The following CADPS variants were observed in gnomAD, a reference collection of about 807,000 sequenced individuals.
The protein encoded by CADPS is calcium-dependent secretion activator 1.
In CADPS, 57 loss-of-function variants were observed where a neutral mutation model predicts 167.3. That is an observed-to-expected ratio of 0.34 (90% CI 0.28 to 0.42). CADPS has a LOEUF of 0.42. Ranked by LOEUF, CADPS falls within the 20% of genes least tolerant of loss-of-function variation. The pLI is 1.00. For synonymous variants in CADPS, 676 were observed against 635.3 expected, an observed-to-expected ratio of 1.06 and a Z score of -0.96; for missense variants, 1,414 against 1,738.1, an observed-to-expected ratio of 0.81 and a Z score of 3.32.
At chr3:62,758,548 T>C (rs938533383) in intron 2 of CADPS, among the ~76,000 whole-genome samples, 1 of 152,246 alleles carries the variant, frequency 6.6e-6, no homozygotes, top group Non-Finnish European at 1.5e-5. Context: ...CTGATGTGCC[T>C]GTGTGTCTCT....
At chr3:62,732,617 TATTCACTG>T (rs1304165381) in intron 3 of CADPS, among the ~76,000 whole-genome samples, 3 of 152,364 alleles carry the variant, frequency 2.0e-5, no homozygotes, top group Admixed American at 6.5e-5. Flanking sequence ...TTCATGCACT[TATTCACTG>T]ATTCACTTAT....
intron 27 of CADPS, chr3:62,439,809 T>C (rs185588443): frequency 6.6e-6 from 1 of 152,296 alleles, no homozygotes; most frequent in East Asian, 1.9e-4. Flanking sequence ...GATCTATCAG[T>C]AACCCAAAAT....
chr3:62,481,695 T>C, intron 22 of CADPS, 28 bp downstream of exon 22: 1 of 1,534,334 alleles, frequency 6.5e-7, no homozygotes, highest in Non-Finnish European at 8.7e-7. Context: ...TAAATTTAAA[T>C]GAGATCTAAT....
chr3:62,874,738 T>A lies in CADPS; in HGVS notation c.292A>T (p.Ser98Cys), dbSNP rs1423695828. The change falls in exon 1 of 30, where the codon AGC (serine) becomes TGC (cysteine). Residue 98 changes from serine (S) to cysteine (C), a missense_variant. Ser to Cys is a moderately radical substitution (Grantham distance 112). Transcript: ENST00000383710. The surrounding 1 kb of genome is among the most constrained non-coding windows in gnomAD (Gnocchi z 7.1). Reference sequence around the variant, plus strand: ...TCCAACTCTTCCTTCTCCTTCTCGCTCACCACCGACGGGCTGGGGCTGGAG... The same window carrying A: ...TCCAACTCTTCCTTCTCCTTCTCGCACACCACCGACGGGCTGGGGCTGGAG... ...RPSSPSPSVV[S>C]EKEKEELERL... 23 of 1,518,784 alleles carry A rather than the reference T, an allele frequency of 1.5e-5. No individual in the cohort carries two copies. The highest frequency in any genetic ancestry group is 2.1e-5 in the Non-Finnish European group (23 of 1,118,614). The allele number at this position is 1,518,784 out of a possible 1,614,324, so 94.1% of individuals were successfully genotyped here.
intron 6 of CADPS, among the ~76,000 whole-genome samples, chr3:62,632,120 A>G (rs2065394094): frequency 1.3e-5 from 2 of 152,208 alleles, no homozygotes; most frequent in South Asian, 4.1e-4. Context: ...AAAAGGAACA[A>G]TCATATATGA....
Position 62,592,634 on chromosome 3 carries a change from T to C in CADPS, c.1437+3A>G, listed in dbSNP as rs1313395871. ...AGTTCCCCTTGTGATAAGAAGTGCTTACCCGCCCAAGCTCCTTGTCCTCCA... is the reference window on the plus strand; with the variant it reads ...AGTTCCCCTTGTGATAAGAAGTGCTCACCCGCCCAAGCTCCTTGTCCTCCA... On this transcript the variant is annotated splice_donor_region_variant and intron_variant, in intron 7 of 29. Transcript: ENST00000383710. The C allele has an allele frequency of 2.5e-6, 4 of 1,611,374 alleles. No individual in the cohort carries two copies. The highest frequency in any genetic ancestry group is 3.3e-5 in the Admixed American group (2 of 59,982).
intron 1 of CADPS, among the ~76,000 whole-genome samples, chr3:62,786,286 G>T (rs185090095): frequency 6.6e-6 from 1 of 152,214 alleles, no homozygotes; most frequent in Admixed American, 6.5e-5. Context: ...TATGCAGAAA[G>T]CAATTTAAAA....
intron 6 of CADPS, among the ~76,000 whole-genome samples, chr3:62,603,197 A>G (rs1346626336): frequency 6.6e-6 from 1 of 152,232 alleles, no homozygotes; most frequent in Non-Finnish European, 1.5e-5. Flanking sequence ...AGCACACTCA[A>G]TAGGCATTTG....
chr3:62,575,741 C>T (rs192173440), intron 8 of CADPS, among the ~76,000 whole-genome samples: 1,715 of 152,218 alleles, frequency 0.011, 14 homozygotes, highest in Non-Finnish European at 0.015. Flanking sequence ...ACTTTGGTTT[C>T]TTTTTTTGAA....
intron 1 of CADPS, among the ~76,000 whole-genome samples, chr3:62,766,539 A>C (rs2086918657): frequency 6.6e-6 from 1 of 152,234 alleles, no homozygotes; most frequent in Non-Finnish European, 1.5e-5. Context: ...TGATGAATGC[A>C]GTATGACCAT....
intron 29 of CADPS, 107 bp downstream of exon 29, chr3:62,402,974 T>C (rs1706968114): frequency 1.6e-6 from 1 of 635,032 alleles, no homozygotes; most frequent in African/African-American, 1.8e-5. Context: ...GAGATACTAT[T>C]TTATATGTAA....
intron 9 of CADPS, among the ~76,000 whole-genome samples, chr3:62,570,030 C>T (rs1220220872): frequency 6.6e-6 from 1 of 152,138 alleles, no homozygotes; most frequent in Non-Finnish European, 1.5e-5. Context: ...TCAATATCCG[C>T]ATCTACATTT....
intron 1 of CADPS, among the ~76,000 whole-genome samples, chr3:62,847,310 G>T: frequency 7.1e-6 from 1 of 140,726 alleles, no homozygotes. Flanking sequence ...TAAGTTTTAG[G>T]GTACATGTGC....
At chr3:62,826,847 A>T (rs73102776) in intron 1 of CADPS, among the ~76,000 whole-genome samples, 13,051 of 152,188 alleles carry the variant, frequency 0.086, 756 homozygotes, top group Admixed American at 0.13. Flanking sequence ...CAGCATCTCT[A>T]ACCTATTCCT....
chr3:62,710,654 A>AT (rs56313875), intron 3 of CADPS, among the ~76,000 whole-genome samples: 8,768 of 151,992 alleles, frequency 0.058, 297 homozygotes, highest in South Asian at 0.093. Flanking sequence ...TCCCCAGGTG[A>AT]TTCTGATGCA....
At chr3:62,825,624 A>G (rs1218384752) in intron 1 of CADPS, among the ~76,000 whole-genome samples, 1 of 152,202 alleles carries the variant, frequency 6.6e-6, no homozygotes, top group African/African-American at 2.4e-5. Context: ...GCCATTTGTC[A>G]CATAGATGGT....
At chr3:62,666,797 G>A (rs375630573) in intron 3 of CADPS, among the ~76,000 whole-genome samples, 2 of 152,056 alleles carry the variant, frequency 1.3e-5, no homozygotes, top group African/African-American at 2.4e-5. Flanking sequence ...TACTCTTTCC[G>A]TCAATGCAGA....
At position 62,665,236 on chromosome 3, in the gene CADPS, A is replaced by G. The variant is rs570464199; in HGVS notation, c.889-2842T>C. Among the ~76,000 whole-genome samples the G allele has an allele frequency of 2.6e-5, 4 of 152,334 alleles. No individual in the cohort carries two copies. The South Asian group carries it at 6.2e-4, about 24-fold the overall frequency. On this transcript the variant is annotated intron_variant, in intron 3 of 29. Coordinates refer to ENST00000383710, the MANE Select transcript of CADPS (RefSeq NM_003716.4). ...TCTTGAAAATTTGTAATATGTCAAC[A>G]TAATCAAGACTTGGAGAAATTCTAG...
At position 62,467,374 on chromosome 3, in the gene CADPS, G is replaced by A. The variant is rs2060063572; in HGVS notation, c.3478-961C>T. The A allele has an allele frequency of 4.6e-6, 4 of 866,196 alleles. No individual in the cohort carries two copies. In the South Asian group the frequency reaches 5.0e-5, roughly 11 times the overall value. The allele number at this position is 866,196 out of a possible 1,614,324, so 53.7% of individuals were successfully genotyped here. On this transcript the variant is annotated intron_variant, in intron 24 of 29. Transcript: ENST00000383710. ...AAGGAACAGTGCAAATACAAATTAG[G>A]ACAAAAGGACACATGAGAAAATAAA...
Sources: gnomAD v4.1 joint callset for allele counts (sites outside exome capture counted in the v4.1 genomes callset) on GRCh38, gnomAD v4.1.1 for gene constraint, Gnocchi (gnomAD v3.1) non-coding constraint, MANE v1.5 for transcripts, NCBI Gene and HGNC (gene_info 2026-07-23, HGNC 2026-07-21) for gene names.